The following MEF2A variants were observed in gnomAD, a reference collection of about 807,000 sequenced individuals.
The protein encoded by MEF2A is myocyte-specific enhancer factor 2A.
Under a neutral mutation model 55.8 loss-of-function variants are expected in MEF2A, and 28 were observed. The ratio of observed to expected loss-of-function variants is 0.50; its 90% CI spans 0.37 to 0.69. The LOEUF (loss-of-function observed/expected upper bound fraction) is 0.69. Ranked by LOEUF, MEF2A falls within the 30% of genes least tolerant of loss-of-function variation. The pLI is 0.00. For synonymous variants in MEF2A, 239 were observed against 227.1 expected, an observed-to-expected ratio of 1.05 and a Z score of -0.47; for missense variants, 528 against 626.2, an observed-to-expected ratio of 0.84 and a Z score of 1.67.
At chr15:99,593,999 G>A (rs1037331458) in intron 1 of MEF2A, among the ~76,000 whole-genome samples, 6 of 151,912 alleles carry the variant, frequency 3.9e-5, no homozygotes, top group South Asian at 4.1e-4. Context: ...TCACCAAAAC[G>A]TGTGTGAGGG....
In MEF2A at chr15:99,710,725, G is replaced by GCAC; in HGVS notation, c.1106_1108dup (p.His369dup). On this transcript the variant is annotated inframe_insertion, in exon 11 of 12. Coordinates refer to ENST00000557942, the MANE Select transcript of MEF2A (RefSeq NM_001319206.4). ...TGGGACAGGTGTCGGCCTGGCAGCA[G>GCAC]CACCACCTAGGACAAGCAGCCCTCA... 6.2e-7 allele frequency: 1 copy of GCAC among 1,612,922 alleles called. No individual in the cohort carries two copies. Among genetic ancestry groups the GCAC allele is most frequent in the Non-Finnish European group, 8.5e-7 (1 of 1,178,970 alleles).
At chr15:99,626,729 T>TG (rs1174239776) in intron 2 of MEF2A, among the ~76,000 whole-genome samples, 84 of 152,290 alleles carry the variant, frequency 5.5e-4, no homozygotes, top group African/African-American at 1.9e-3. Flanking sequence ...TACATGAATT[T>TG]GGGGAGAATT....
chr15:99,682,127 C>A (rs1296836304), intron 7 of MEF2A, among the ~76,000 whole-genome samples: 1 of 152,170 alleles, frequency 6.6e-6, no homozygotes, highest in Non-Finnish European at 1.5e-5. Context: ...TGCAGTTTAA[C>A]CCTAGAAGAG....
intron 4 of MEF2A, among the ~76,000 whole-genome samples, chr15:99,664,790 A>G (rs1444986924): frequency 6.6e-6 from 1 of 152,250 alleles, no homozygotes; most frequent in Non-Finnish European, 1.5e-5. Context: ...TAAAATATCC[A>G]AATGAAAGTG....
At chr15:99,685,236 T>A (rs1160506548) in intron 7 of MEF2A, among the ~76,000 whole-genome samples, 1 of 152,108 alleles carries the variant, frequency 6.6e-6, no homozygotes, top group Admixed American at 6.5e-5. Context: ...TGAAGAATGA[T>A]GGTGGTATTT....
chr15:99,702,936 G>A (rs534385573), intron 8 of MEF2A, among the ~76,000 whole-genome samples: 2 of 152,302 alleles, frequency 1.3e-5, no homozygotes, highest in Non-Finnish European at 2.9e-5. Flanking sequence ...GAATTCAGTA[G>A]GAGATAGATA....
intron 8 of MEF2A, among the ~76,000 whole-genome samples, chr15:99,692,549 T>A (rs2055687800): frequency 6.6e-6 from 1 of 152,014 alleles, no homozygotes; most frequent in African/African-American, 2.4e-5. Context: ...TAAGCTAGGG[T>A]GATTGGTGAA....
intron 1 of MEF2A, among the ~76,000 whole-genome samples, chr15:99,571,433 A>G (rs997060542): frequency 3.9e-5 from 6 of 152,130 alleles, no homozygotes; most frequent in African/African-American, 9.7e-5. Context: ...TCCTCCTACC[A>G]TTACTATCGT....
intron 1 of MEF2A, among the ~76,000 whole-genome samples, chr15:99,594,216 C>T (rs546528466): frequency 2.0e-4 from 30 of 152,316 alleles, no homozygotes; most frequent in African/African-American, 7.2e-4. Flanking sequence ...CAGGGGTTCT[C>T]ACTACCCCTT....
intron 9 of MEF2A, among the ~76,000 whole-genome samples, chr15:99,706,301 A>G (rs1055089918): frequency 6.6e-6 from 1 of 152,270 alleles, no homozygotes; most frequent in African/African-American, 2.4e-5. Context: ...TAATACCGCA[A>G]AGAAAAGTAG....
chr15:99,586,230 C>T (rs1967204399), intron 1 of MEF2A, among the ~76,000 whole-genome samples: 1 of 152,048 alleles, frequency 6.6e-6, no homozygotes, highest in South Asian at 2.1e-4. Context: ...GTATATGTAT[C>T]TTTTATTTCA....
chr15:99,686,289 C>CT (rs968403289), intron 7 of MEF2A, among the ~76,000 whole-genome samples: 2 of 151,380 alleles, frequency 1.3e-5, no homozygotes, highest in African/African-American at 4.9e-5. Context: ...TGCCTGAATA[C>CT]TTTTTTTTTC....
At chr15:99,600,459 C>T (rs1201896684) in intron 2 of MEF2A, among the ~76,000 whole-genome samples, 1 of 152,142 alleles carries the variant, frequency 6.6e-6, no homozygotes, top group African/African-American at 2.4e-5. Flanking sequence ...AATTCTGCTG[C>T]AGTAGAAATT....
At chr15:99,602,662 G>A (rs960832584) in intron 2 of MEF2A, among the ~76,000 whole-genome samples, 3 of 103,204 alleles carry the variant, frequency 2.9e-5, no homozygotes, top group Non-Finnish European at 5.9e-5. Context: ...GGGTGTGTGT[G>A]TGTGTGTGTG....
rs1281163028 is a variant in MEF2A at position 99,679,774 on chromosome 15, AAC to A, written c.670+4318_670+4319del. On this transcript the variant is annotated intron_variant, in intron 7 of 11. Coordinates refer to ENST00000557942, the MANE Select transcript of MEF2A (RefSeq NM_001319206.4). ...TGTTTATGTGTTACATTAGCAAGAA[AAC>A]AGTTTTGAAAATAAAAGAATACACT... is the stretch of plus-strand genomic sequence containing the variant. 7.2e-5 allele frequency among the ~76,000 whole-genome samples: 11 copies of A among 152,354 alleles called. No homozygotes were observed. In the East Asian group the frequency reaches 2.1e-3, roughly 29 times the overall value.
intron 7 of MEF2A, among the ~76,000 whole-genome samples, chr15:99,675,972 G>A (rs1322912444): frequency 3.9e-5 from 6 of 151,906 alleles, no homozygotes; most frequent in African/African-American, 7.3e-5. Context: ...TCCGGGAGGC[G>A]GTGGTTGCAG....
At chr15:99,703,791 T>G (rs900576851) in intron 9 of MEF2A, among the ~76,000 whole-genome samples, 13 of 152,204 alleles carry the variant, frequency 8.5e-5, no homozygotes, top group African/African-American at 2.9e-4. Flanking sequence ...TCAAAAAGAT[T>G]ACATCATTTT....
At chr15:99,637,736 G>A (rs1216363002) in intron 3 of MEF2A, among the ~76,000 whole-genome samples, 6 of 151,986 alleles carry the variant, frequency 3.9e-5, no homozygotes, top group African/African-American at 7.3e-5. Flanking sequence ...TCCGCCTCCC[G>A]GGTTCGTGCC....
At chr15:99,693,414 T>TG (rs1250988456) in intron 8 of MEF2A, among the ~76,000 whole-genome samples, 1 of 151,966 alleles carries the variant, frequency 6.6e-6, no homozygotes, top group Non-Finnish European at 1.5e-5. Flanking sequence ...AACACACACA[T>TG]GCACGCATGC....
Sources: gnomAD v4.1 joint callset for allele counts (sites outside exome capture counted in the v4.1 genomes callset) on GRCh38, gnomAD v4.1.1 for gene constraint, MANE v1.5 for transcripts, NCBI Gene and HGNC (gene_info 2026-07-23, HGNC 2026-07-21) for gene names.